CLINT1: variants seen among roughly 807,000 people sequenced by gnomAD.
CLINT1 encodes clathrin interacting protein localized in the trans-Golgi region.
A neutral mutation model predicts 70.4 loss-of-function variants in CLINT1; 15 were observed. That is an observed-to-expected ratio of 0.21 (90% CI 0.14 to 0.33). The LOEUF (loss-of-function observed/expected upper bound fraction) is 0.33, where lower values mean the gene tolerates loss of function less well. Ranked by LOEUF, CLINT1 falls within the 10% of genes least tolerant of loss-of-function variation. The pLI is 1.00. For missense variants in CLINT1, 615 were observed against 778.1 expected, an observed-to-expected ratio of 0.79 and a Z score of 2.49; for synonymous variants, 227 against 254.7, an observed-to-expected ratio of 0.89 and a Z score of 1.04.
At chr5:157,842,430 G>A (rs1753218396) in intron 1 of CLINT1, among the ~76,000 whole-genome samples, 1 of 152,196 alleles carries the variant, frequency 6.6e-6, no homozygotes, top group Non-Finnish European at 1.5e-5. Flanking sequence ...TCTAGCCAGG[G>A]TGATACAGCG....
Position 157,791,885 on chromosome 5 carries a change from C to T in CLINT1, c.1198G>A (p.Ala400Thr). The T allele has an allele frequency of 1.2e-6, 2 of 1,613,998 alleles. No individual in the cohort carries two copies. Among genetic ancestry groups the T allele is most frequent in the East Asian group, 2.2e-5 (1 of 44,866 alleles). ...TGTGAGCCACTAACAAGTTCTACCG[C>T]TGGCTGTGAGGCACTGCCAAAGAAC... Reference protein sequence around the residue: ...GEFFGSASQPAVELVSGSQSA... With the variant: ...GEFFGSASQPTVELVSGSQSA... Residue 400 changes from alanine to threonine, a missense_variant, in exon 10 of 12, where the codon GCG (alanine) becomes ACG (threonine). Ala to Thr is a moderately conservative substitution (Grantham distance 58, BLOSUM62 0). This residue lies in a region of CLINT1 where 374 missense variants were observed against 409.6 expected (regional missense o/e 0.91). Coordinates refer to ENST00000411809, the MANE Select transcript of CLINT1 (RefSeq NM_014666.4).
rs1761756340 is a variant in CLINT1 at position 157,787,376 on chromosome 5, T to C, written c.*270A>G. The C allele has an allele frequency of 2.2e-6, 1 of 457,886 alleles. No homozygotes were observed. The highest frequency in any genetic ancestry group is 3.9e-6 in the Non-Finnish European group (1 of 256,138). The allele number at this position is 457,886 out of a possible 1,614,324, so 28.4% of individuals were successfully genotyped here. A position where few individuals can be genotyped will look rare whatever the true frequency, so the allele number is the denominator to read the frequency against. ...TTATGCTGTTAAATGGACTCTTCAGTTGATAAAGGCTTTCAATGGTCTCAC... is the reference window on the plus strand; with the variant it reads ...TTATGCTGTTAAATGGACTCTTCAGCTGATAAAGGCTTTCAATGGTCTCAC... On this transcript the variant is annotated 3_prime_UTR_variant, in exon 12 of 12. Transcript: ENST00000411809.
intron 1 of CLINT1, among the ~76,000 whole-genome samples, chr5:157,857,589 G>A (rs1025872153): frequency 6.6e-6 from 1 of 152,158 alleles, no homozygotes; most frequent in Non-Finnish European, 1.5e-5. Context: ...GGCTTTATAT[G>A]CAATACAATC....
At chr5:157,852,264 T>C (rs1753601445) in intron 1 of CLINT1, among the ~76,000 whole-genome samples, 1 of 152,230 alleles carries the variant, frequency 6.6e-6, no homozygotes, top group African/African-American at 2.4e-5. Context: ...ACATGTCTTT[T>C]GAAAGGGTAT....
intron 1 of CLINT1, among the ~76,000 whole-genome samples, chr5:157,836,415 T>C (rs1763424865): frequency 6.6e-6 from 1 of 152,214 alleles, no homozygotes; most frequent in Admixed American, 6.5e-5. Flanking sequence ...ATGTTATTAA[T>C]TGCTGTTTAT....
intron 8 of CLINT1, among the ~76,000 whole-genome samples, chr5:157,800,322 T>C (rs1413635161): frequency 6.6e-6 from 1 of 152,132 alleles, no homozygotes. Context: ...GCTTTACAGT[T>C]TGTGCCCACA....
chr5:157,850,929 G>C (rs1753550933), intron 1 of CLINT1, among the ~76,000 whole-genome samples: 1 of 151,920 alleles, frequency 6.6e-6, no homozygotes, highest in South Asian at 2.1e-4. Flanking sequence ...CATGTAGCTG[G>C]GACTATAGGC....
intron 1 of CLINT1, among the ~76,000 whole-genome samples, chr5:157,829,488 T>C (rs1368515582): frequency 6.6e-6 from 1 of 152,154 alleles, no homozygotes; most frequent in Non-Finnish European, 1.5e-5. Context: ...TCAGAGACTA[T>C]TATTTTAATG....
At chr5:157,789,719 A>G in intron 10 of CLINT1, 1 of 657,380 alleles carries the variant, frequency 1.5e-6, no homozygotes, top group South Asian at 2.0e-5. Flanking sequence ...TAGCTTCCCA[A>G]AGAGGTTCCT....
At chr5:157,853,493 T>A (rs1192950281) in intron 1 of CLINT1, among the ~76,000 whole-genome samples, 1 of 151,482 alleles carries the variant, frequency 6.6e-6, no homozygotes, top group African/African-American at 2.4e-5. Flanking sequence ...AACTGCTTTG[T>A]AGGCCGGGCA....
Position 157,859,086 on chromosome 5 carries a change from C to T in CLINT1, c.-116G>A. 8.8e-7 allele frequency: 1 copy of T among 1,141,486 alleles called. No individual in the cohort carries two copies. The highest frequency in any genetic ancestry group is 1.2e-6 in the Non-Finnish European group (1 of 801,590). The allele number at this position is 1,141,486 out of a possible 1,614,324, so 70.7% of individuals were successfully genotyped here. A position where few individuals can be genotyped will look rare whatever the true frequency, so the allele number is the denominator to read the frequency against. On this transcript the variant is annotated 5_prime_UTR_variant, in exon 1 of 12. Transcript: ENST00000411809. ...TCACCGCCGCCCGCCGCCTCGAACT[C>T]CCCCAGTCAGCTCCTTCCTTTGCCA...
chr5:157,815,702 TAG>T (rs1337690776), intron 3 of CLINT1, among the ~76,000 whole-genome samples: 2 of 152,232 alleles, frequency 1.3e-5, no homozygotes, highest in Non-Finnish European at 2.9e-5. Context: ...ATTAATATCA[TAG>T]AGTGTACTTA....
At chr5:157,789,739 C>A in intron 10 of CLINT1, 1 of 615,568 alleles carries the variant, frequency 1.6e-6, no homozygotes. Flanking sequence ...TCTGAAGTCC[C>A]AATCAGGTTT....
intron 1 of CLINT1, among the ~76,000 whole-genome samples, chr5:157,855,141 C>CG (rs34736474): frequency 0.45 from 43,260 of 96,766 alleles, 10,400 homozygotes; most frequent in Non-Finnish European, 0.49. Context: ...GAACTGTCTC[C>CG]GAAAAAAAAA....
At chr5:157,796,839 ATAAC>A (rs573337113) in intron 8 of CLINT1, among the ~76,000 whole-genome samples, 2 of 152,312 alleles carry the variant, frequency 1.3e-5, no homozygotes, top group Non-Finnish European at 2.9e-5. Flanking sequence ...AGCAGCAGGC[ATAAC>A]TAATTCCTCA....
intron 6 of CLINT1, among the ~76,000 whole-genome samples, chr5:157,807,834 C>T (rs911649539): frequency 6.6e-6 from 1 of 152,032 alleles, no homozygotes; most frequent in Non-Finnish European, 1.5e-5. Flanking sequence ...ATACAGAACA[C>T]ACACAGATAT....
intron 1 of CLINT1, among the ~76,000 whole-genome samples, chr5:157,818,615 C>A (rs1315349618): frequency 6.6e-6 from 1 of 151,970 alleles, no homozygotes; most frequent in Non-Finnish European, 1.5e-5. Context: ...CCCAACTGTA[C>A]CCCAGCCTGG....
intron 6 of CLINT1, 27 bp from the exon 7 acceptor site, chr5:157,806,139 A>G: frequency 6.2e-7 from 1 of 1,607,684 alleles, no homozygotes; most frequent in Non-Finnish European, 8.5e-7. Flanking sequence ...ATGAAGCAAA[A>G]TAATAAGACG....
intron 1 of CLINT1, among the ~76,000 whole-genome samples, chr5:157,824,160 C>G (rs979809256): frequency 6.6e-6 from 1 of 152,178 alleles, no homozygotes; most frequent in Non-Finnish European, 1.5e-5. Context: ...CCATCCATAA[C>G]ATTAGATAAA....
Sources: allele counts gnomAD v4.1 joint callset (sites outside exome capture counted in the v4.1 genomes callset), GRCh38; gene constraint gnomAD v4.1.1; regional missense constraint gnomAD v4.1.1; transcripts MANE v1.5; gene names NCBI Gene and HGNC (gene_info 2026-07-23, HGNC 2026-07-21).